Variants in LPXN observed in about 807,000 individuals in gnomAD.
The protein encoded by LPXN is leupaxin.
In LPXN, 28 loss-of-function variants were observed where a neutral mutation model predicts 45.6. The ratio of observed to expected loss-of-function variants is 0.61; its 90% confidence interval spans 0.45 to 0.84. The LOEUF is 0.84. LPXN is among the 40% of genes least tolerant of loss of function. LPXN has a pLI of 0.00. For missense variants in LPXN, 459 were observed against 475.0 expected (o/e 0.97, Z 0.31); for synonymous variants, 166 against 169.9 (o/e 0.98, Z 0.18).
intron 7 of LPXN, among the ~76,000 whole-genome samples, chr11:58,532,856 C>A (rs1393569152): frequency 6.6e-6 from 1 of 152,186 alleles, no homozygotes; most frequent in African/African-American, 2.4e-5. Flanking sequence ...TCACTCTTTG[C>A]AATAAATCTT....
upstream of LPXN, among the ~76,000 whole-genome samples, chr11:58,577,535 C>T (rs367845933): frequency 5.9e-5 from 9 of 152,106 alleles, no homozygotes; most frequent in Non-Finnish European, 8.8e-5. Flanking sequence ...GATGTTCTTG[C>T]AAATCGTTCC....
intron 3 of LPXN, 138 bp from the exon 4 acceptor site, chr11:58,555,078 A>T (rs1463150463): frequency 1.7e-6 from 1 of 587,548 alleles, no homozygotes; most frequent in Non-Finnish European, 3.0e-6. Flanking sequence ...GGGGTATTTT[A>T]AAAATATATT....
upstream of LPXN, chr11:58,577,958 C>T (rs762054070): frequency 4.7e-5 from 72 of 1,541,714 alleles, no homozygotes; most frequent in Non-Finnish European, 6.1e-5. Context: ...GGCCCAAGGA[C>T]CCCATGGAAC....
In LPXN at chr11:58,540,051, C is replaced by G. The variant is rs116402795; in HGVS notation, c.742+9735G>C. 1.0e-2 allele frequency among the ~76,000 whole-genome samples: 1,514 copies of G among 152,152 alleles called. 25 individuals carry two copies. The highest frequency in any genetic ancestry group is 0.035 in the African/African-American group (1,460 of 41,498). On this transcript the variant is annotated intron_variant, in intron 7 of 8. Transcript: ENST00000395074. The stretch of plus-strand genomic sequence containing the variant: ...GTGATTCAACAAGAAGTATACTGCA[C>G]CCACCACCTGAAACCTATTCTTGTC...
chr11:58,571,427 C>T (rs936107496), intron 1 of LPXN, among the ~76,000 whole-genome samples: 1 of 151,906 alleles, frequency 6.6e-6, no homozygotes, highest in African/African-American at 2.4e-5. Context: ...AATTATATTA[C>T]CATTTTTCAA....
chr11:58,562,089 G>C (rs1430239438), intron 3 of LPXN, among the ~76,000 whole-genome samples: 1 of 151,806 alleles, frequency 6.6e-6, no homozygotes, highest in Non-Finnish European at 1.5e-5. Flanking sequence ...CATTGTGCTG[G>C]GTTTTTTTCC....
At chr11:58,531,090 G>T (rs952040062) in intron 7 of LPXN, among the ~76,000 whole-genome samples, 2 of 152,164 alleles carry the variant, frequency 1.3e-5, no homozygotes, top group African/African-American at 4.8e-5. Flanking sequence ...CACTCAAGAA[G>T]ATGGGGAGAA....
Position 58,550,005 on chromosome 11 carries a change from G to C in LPXN, c.628C>G (p.Arg210Gly). ...ATGGGAGCAGCGCAGTAAGCACAGC[G>C]TGGAGAAAAAAGTTGGTGGTAGTCG... ...PNDYHQLFSP[R>G]CAYCAAPILD... is the part of the protein sequence containing the mutation. Residue 210 changes from arginine (R) to glycine (G), a missense_variant, in exon 6 of 9, where the codon CGC (arginine) becomes GGC (glycine). Transcript: ENST00000395074. 1 of 1,614,212 alleles carries C rather than the reference G, an allele frequency of 6.2e-7. No individual in the cohort carries two copies. The highest frequency in any genetic ancestry group is 1.1e-5 in the South Asian group (1 of 91,090).
At chr11:58,554,124 A>C (rs1293803758) in intron 4 of LPXN, 2 of 152,374 alleles carry the variant, frequency 1.3e-5, no homozygotes, top group East Asian at 3.9e-4. Context: ...AGCCTGGCCA[A>C]GATGGTGAAA....
Position 58,550,048 on chromosome 11 carries a change from GC to G in LPXN, c.584del (p.Gly195AlafsTer29). On this transcript the variant is annotated frameshift_variant, in exon 6 of 9. Transcript: ENST00000395074. LOFTEE classifies it high-confidence loss of function. ...IGSSPFFERS[G>X]LAYCPNDYHQ... ...GGTAGTCGTTGGGGCAGTAGGCCAAGCCACTCCGCTCAAAGAAGGGACTGGA... is the reference window on the plus strand; with the variant it reads ...GGTAGTCGTTGGGGCAGTAGGCCAAGCACTCCGCTCAAAGAAGGGACTGGA... 1 of 1,614,186 alleles carries G rather than the reference GC, an allele frequency of 6.2e-7. No individual in the cohort carries two copies. The highest frequency in any genetic ancestry group is 8.5e-7 in the Non-Finnish European group (1 of 1,180,006).
At chr11:58,574,633 TCA>T (rs1854821650) in intron 1 of LPXN, among the ~76,000 whole-genome samples, 1 of 152,060 alleles carries the variant, frequency 6.6e-6, no homozygotes, top group Non-Finnish European at 1.5e-5. Flanking sequence ...AAGCAGAAAT[TCA>T]CATTCTCCCA....
intron 7 of LPXN, among the ~76,000 whole-genome samples, chr11:58,533,848 GA>G (rs908276931): frequency 2.8e-5 from 4 of 143,564 alleles, no homozygotes; most frequent in South Asian, 2.2e-4. Flanking sequence ...TAAACGGAAA[GA>G]AAAAAAAAAG....
chr11:58,574,606 T>G (rs1292391484), intron 1 of LPXN, among the ~76,000 whole-genome samples: 1 of 152,030 alleles, frequency 6.6e-6, no homozygotes, highest in Non-Finnish European at 1.5e-5. Context: ...AAAAAGGCCC[T>G]AGCACTACTA....
chr11:58,551,104 C>G lies in LPXN; in HGVS notation c.447G>C (p.Lys149Asn). The part of the protein sequence containing the change: ...LQDLGIATVP[K>N]GHCASCQKPI... Reference sequence around the variant, plus strand: ...GTTTCTGGCAGGATGCACAATGGCCCTTGGGCACTGTGGCAATGCCAAGGT... The same window carrying G: ...GTTTCTGGCAGGATGCACAATGGCCGTTGGGCACTGTGGCAATGCCAAGGT... The change falls in exon 5 of 9, where the codon AAG (lysine) becomes AAC (asparagine). Residue 149 changes from lysine (K) to asparagine (N), a missense_variant. By Grantham distance (94) the Lys-to-Asn change is moderately conservative. Transcript: ENST00000395074. 1 of 1,603,942 alleles carries G rather than the reference C, an allele frequency of 6.2e-7. No homozygotes were observed.
At chr11:58,554,712 C>T (rs1050122647) in intron 4 of LPXN, 129 bp downstream of exon 4, 10 of 606,326 alleles carry the variant, frequency 1.6e-5, no homozygotes, top group Non-Finnish European at 2.8e-5. Context: ...GCAATGACAA[C>T]TTAGGAAAAT....
At chr11:58,577,795 C>G (rs1452938678), upstream of LPXN, among the ~76,000 whole-genome samples, 1 of 152,134 alleles carries the variant, frequency 6.6e-6, no homozygotes, top group Non-Finnish European at 1.5e-5. Context: ...ACCCTTTCGC[C>G]TCCCTCTAGG....
intron 7 of LPXN, among the ~76,000 whole-genome samples, chr11:58,535,405 A>C (rs1189415821): frequency 6.6e-6 from 1 of 152,242 alleles, no homozygotes; most frequent in Non-Finnish European, 1.5e-5. Flanking sequence ...TCATAAACAG[A>C]AACAATGACA....
intron 7 of LPXN, among the ~76,000 whole-genome samples, chr11:58,529,607 CA>C (rs11295701): frequency 0.3 from 24,752 of 83,316 alleles, 1,766 homozygotes; most frequent in Middle Eastern, 0.45. Flanking sequence ...GACTCTGTCT[CA>C]AAAAAAAAAA....
rs1039237848 is a variant in LPXN at position 58,527,610 on chromosome 11, G to A, written c.1005C>T (p.Pro335=). 1 of 1,614,048 alleles carries A rather than the reference G, an allele frequency of 6.2e-7. No homozygotes were observed. Among genetic ancestry groups the A allele is most frequent in the African/African-American group, 1.3e-5 (1 of 74,922 alleles). Residue 335 remains proline, a synonymous_variant, in exon 9 of 9, where the codon CCC becomes CCT. Transcript: ENST00000395074. ...RGTLCHGCGQ[P]ITGRCISAMG... ...TGGCACTGATACAACGGCCAGTGAT[G>A]GGCTGCCCACACCCATGGCAGAGCG...
Sources: gnomAD v4.1 joint callset for allele counts (sites outside exome capture counted in the v4.1 genomes callset) on GRCh38, gnomAD v4.1.1 for gene constraint, MANE v1.5 for transcripts, NCBI Gene and HGNC (gene_info 2026-07-23, HGNC 2026-07-21) for gene names.